MYH10: variants seen among roughly 807,000 people sequenced by gnomAD.
MYH10 encodes the protein myosin-10.
In MYH10, 55 loss-of-function variants were observed where a neutral mutation model predicts 257.8. The ratio of observed to expected loss-of-function variants is 0.21; its 90% confidence interval spans 0.17 to 0.27. MYH10 has a LOEUF of 0.27. Among genes scored for constraint, MYH10 ranks in the 10% least tolerant of loss-of-function variants. The pLI, the probability that MYH10 is intolerant of heterozygous loss-of-function variation, is 1.00. For synonymous variants in MYH10, 854 were observed against 921.7 expected, an observed-to-expected ratio of 0.93 and a Z score of 1.33; for missense variants, 1,631 against 2,500.6, an observed-to-expected ratio of 0.65 and a Z score of 7.42.
At chr17:8,607,607 T>C (rs2084860184) in intron 2 of MYH10, among the ~76,000 whole-genome samples, 1 of 152,216 alleles carries the variant, frequency 6.6e-6, no homozygotes, top group African/African-American at 2.4e-5. Flanking sequence ...AACTGATCAC[T>C]GAATAGATAC....
In MYH10 at chr17:8,500,732, C is replaced by T; in HGVS notation, c.3744+94G>A. ...TGACGTACAGAGGCTGGAGCCTAAT[C>T]AATACATGACTGAACAGAACGGGCA... On this transcript the variant is annotated intron_variant, in intron 29 of 42. Transcript: ENST00000360416. 2.1e-6 allele frequency: 3 copies of T among 1,434,470 alleles called. No homozygotes were observed. In the East Asian group the frequency reaches 7.2e-5, roughly 34 times the overall value. 88.9% of individuals were successfully genotyped at this position (1,434,470 alleles called of 1,614,324 possible).
rs1276043064 is a variant in MYH10, at chr17:8,492,825, T to A, written c.4409A>T (p.Gln1470Leu). 6.2e-7 allele frequency: 1 copy of A among 1,613,964 alleles called. No individual in the cohort carries two copies. The highest frequency in any genetic ancestry group is 1.3e-5 in the African/African-American group (1 of 74,936). Residue 1470 changes from glutamine to leucine, a missense_variant, in exon 33 of 43, where the codon CAG becomes CTG. By Grantham distance (113) the Gln-to-Leu change is moderately radical (BLOSUM62 -2). This residue lies in a region of MYH10 where 463 missense variants were observed against 621.8 expected (regional missense o/e 0.74). Coordinates refer to ENST00000360416, the MANE Select transcript of MYH10 (RefSeq NM_001256012.3). ...CTCCAAGTTGGAGGCGACCTGGCGC[T>A]GGTGGTCCAGGTCCACCGTGAGGTC... The part of the protein sequence containing the change: ...LDDLTVDLDH[Q>L]RQVASNLEKK...
At chr17:8,543,357 T>C (rs1312816093) in intron 13 of MYH10, among the ~76,000 whole-genome samples, 1 of 152,198 alleles carries the variant, frequency 6.6e-6, no homozygotes, top group East Asian at 1.9e-4. Context: ...CTGGCACGCA[T>C]GACAAGCCTC....
intron 16 of MYH10, among the ~76,000 whole-genome samples, chr17:8,533,384 A>G (rs1425974916): frequency 6.6e-6 from 1 of 152,022 alleles, no homozygotes; most frequent in African/African-American, 2.4e-5. Context: ...CTAAAGCCAA[A>G]TGGAACACTC....
Position 8,508,567 on chromosome 17 carries a change from G to A in MYH10, c.3201C>T (p.Ile1067=), listed in dbSNP as rs2081154186. 1 of 1,614,062 alleles carries A rather than the reference G, an allele frequency of 6.2e-7. No individual in the cohort carries two copies. Among genetic ancestry groups the A allele is most frequent in the African/African-American group, 1.3e-5 (1 of 75,012 alleles). ...AKIRNKQEVM[I]SDLEERLKKE... is the part of the protein sequence containing the mutation. ...CCAAATACTAACCTTCTAAATCTGA[G>A]ATCATCACTTCTTGCTTATTCCTGA... Residue 1067 remains isoleucine, a synonymous_variant, in exon 26 of 43, where the codon ATC becomes ATT. Coordinates refer to ENST00000360416, the MANE Select transcript of MYH10 (RefSeq NM_001256012.3).
intron 36 of MYH10, 31 bp downstream of exon 36, chr17:8,487,402 A>G (rs1191479650): frequency 1.9e-6 from 3 of 1,612,950 alleles, no homozygotes; most frequent in Non-Finnish European, 2.5e-6. Flanking sequence ...ACGTGGTGCC[A>G]TCCAGAGACT....
intron 25 of MYH10, among the ~76,000 whole-genome samples, chr17:8,509,178 G>A (rs551845431): frequency 6.6e-6 from 1 of 152,102 alleles, no homozygotes; most frequent in Non-Finnish European, 1.5e-5. Context: ...ACTTTTGTGT[G>A]GATATGTTTA....
At chr17:8,518,339 G>A (rs1214092775) in intron 21 of MYH10, among the ~76,000 whole-genome samples, 1 of 152,050 alleles carries the variant, frequency 6.6e-6, no homozygotes, top group Admixed American at 6.6e-5. Flanking sequence ...TTGCCATGAA[G>A]CCCTGGCTGG....
At chr17:8,489,228 C>T (rs1381403235) in intron 35 of MYH10, among the ~76,000 whole-genome samples, 5 of 152,130 alleles carry the variant, frequency 3.3e-5, no homozygotes, top group Non-Finnish European at 7.4e-5. Flanking sequence ...CAGCCAGGGC[C>T]GAGGTCCTTA....
At chr17:8,582,787 G>T (rs956410822) in intron 4 of MYH10, among the ~76,000 whole-genome samples, 15 of 152,196 alleles carry the variant, frequency 9.9e-5, no homozygotes, top group African/African-American at 3.6e-4. Flanking sequence ...AATTCCTTCT[G>T]GACCATGGGG....
Position 8,508,562 on chromosome 17 carries a change from TC to T in MYH10, c.3205del (p.Asp1069IlefsTer2). On this transcript the variant is annotated frameshift_variant, in exon 26 of 43. Transcript: ENST00000360416. LOFTEE classifies it high-confidence loss of function. ...IRNKQEVMIS[D>X]LEERLKKEEK... is the part of the protein sequence containing the mutation. ...TAGCCCCAAATACTAACCTTCTAAA[TC>T]TGAGATCATCACTTCTTGCTTATTC... The T allele has an allele frequency of 6.2e-7, 1 of 1,614,116 alleles. No individual in the cohort carries two copies. Among genetic ancestry groups the T allele is most frequent in the Non-Finnish European group, 8.5e-7 (1 of 1,179,996 alleles).
intron 4 of MYH10, among the ~76,000 whole-genome samples, chr17:8,583,940 G>A (rs939015440): frequency 6.6e-6 from 1 of 152,084 alleles, no homozygotes; most frequent in African/African-American, 2.4e-5. Flanking sequence ...TTAAAAGGGG[G>A]GTTTAAGAGA....
At chr17:8,483,720 C>T (rs929914889) in intron 37 of MYH10, among the ~76,000 whole-genome samples, 1 of 152,180 alleles carries the variant, frequency 6.6e-6, no homozygotes, top group African/African-American at 2.4e-5. Context: ...AACAGGAATT[C>T]AATGAAACAA....
intron 14 of MYH10, among the ~76,000 whole-genome samples, chr17:8,536,285 G>C (rs971284331): frequency 1.3e-5 from 2 of 152,150 alleles, no homozygotes; most frequent in Non-Finnish European, 2.9e-5. Context: ...TTCATGTTCA[G>C]TGACTGGCTG....
chr17:8,485,099 A>G (rs1035343560), intron 36 of MYH10, among the ~76,000 whole-genome samples: 1 of 152,270 alleles, frequency 6.6e-6, no homozygotes, highest in Non-Finnish European at 1.5e-5. Context: ...TGCTGGTAAT[A>G]TGGACAGTAA....
rs189898964 is a variant in MYH10, at chr17:8,493,206, A to G, written c.4210-182T>C. 3.2e-3 allele frequency among the ~76,000 whole-genome samples: 482 copies of G among 152,194 alleles called. 3 individuals carry two copies. Among genetic ancestry groups the G allele is most frequent in the African/African-American group, 0.011 (461 of 41,530 alleles). ...GAAACCTCATCTCTACTAAAAATAC[A>G]AAAATCGCCTGTCTGTAGTCTCGGC... On this transcript the variant is annotated intron_variant, in intron 32 of 42. Coordinates refer to ENST00000360416, the MANE Select transcript of MYH10 (RefSeq NM_001256012.3).
intron 14 of MYH10, among the ~76,000 whole-genome samples, chr17:8,541,172 T>A (rs542569046): frequency 6.6e-6 from 1 of 152,332 alleles, no homozygotes; most frequent in African/African-American, 2.4e-5. Flanking sequence ...GTACCATCCA[T>A]GATCTCTAGC....
In MYH10 at chr17:8,535,508, C is replaced by A; in HGVS notation, c.1780-7G>T. On this transcript the variant is annotated splice_polypyrimidine_tract_variant and splice_region_variant and intron_variant, in intron 15 of 42. Coordinates refer to ENST00000360416, the MANE Select transcript of MYH10 (RefSeq NM_001256012.3). The surrounding 1 kb of genome is among the most constrained non-coding windows in gnomAD (Gnocchi z 4.3). Reference sequence around the variant, plus strand: ...CATCTGCCTTATAGTCCACCTATCCCGCACCAAAGCCAAAAGTGGTGAAAT... The same window carrying A: ...CATCTGCCTTATAGTCCACCTATCCAGCACCAAAGCCAAAAGTGGTGAAAT... The A allele has an allele frequency of 6.3e-7, 1 of 1,594,726 alleles. No homozygotes were observed. Among genetic ancestry groups the A allele is most frequent in the Non-Finnish European group, 8.5e-7 (1 of 1,170,296 alleles).
At chr17:8,510,995 T>C (rs1028531038) in intron 24 of MYH10, 3 of 139,820 alleles carry the variant, frequency 2.1e-5, no homozygotes, top group African/African-American at 2.7e-5. Flanking sequence ...CATGCCTGTA[T>C]CAAAACATCT....
Sources: gnomAD v4.1 joint callset for allele counts (sites outside exome capture counted in the v4.1 genomes callset) on GRCh38, gnomAD v4.1.1 for gene constraint, gnomAD v4.1.1 regional missense constraint, Gnocchi (gnomAD v3.1) non-coding constraint, MANE v1.5 for transcripts, NCBI Gene and HGNC (gene_info 2026-07-23, HGNC 2026-07-21) for gene names.